The following PTPRD variants were observed in gnomAD, a reference collection of about 807,000 sequenced individuals.
The protein encoded by PTPRD is receptor-type tyrosine-protein phosphatase delta.
In PTPRD, 34 loss-of-function variants were observed where a neutral mutation model predicts 214.5. The observed-to-expected ratio is 0.16, with a 90% CI of 0.12 to 0.21. The LOEUF is 0.21. Ranked by LOEUF, PTPRD falls within the 10% of genes least tolerant of loss-of-function variation. The pLI, the probability that PTPRD is intolerant of heterozygous loss-of-function variation, is 1.00. For missense variants in PTPRD, 2,545 were observed against 2,398.7 expected (o/e 1.06, Z -1.27); for synonymous variants, 1,128 against 845.7 (o/e 1.33, Z -5.79).
chr9:9,275,065 A>G (rs1479300744), intron 9 of PTPRD, among the ~76,000 whole-genome samples: 1 of 72,584 alleles, frequency 1.4e-5, no homozygotes, highest in Non-Finnish European at 2.6e-5. Flanking sequence ...GTATATATAT[A>G]TTATATATAT....
At chr9:10,478,997 G>T (rs1053762995) in intron 2 of PTPRD, among the ~76,000 whole-genome samples, 1 of 151,874 alleles carries the variant, frequency 6.6e-6, no homozygotes, top group Non-Finnish European at 1.5e-5. Context: ...TTTTTTAAAA[G>T]CCCTTCAAAA....
intron 31 of PTPRD, among the ~76,000 whole-genome samples, chr9:8,468,983 T>C (rs1005644584): frequency 6.6e-6 from 1 of 151,954 alleles, no homozygotes; most frequent in African/African-American, 2.4e-5. Context: ...TTCCAGTCAA[T>C]GCATATCTTA....
At chr9:8,454,802 T>A (rs190374578) in intron 33 of PTPRD, among the ~76,000 whole-genome samples, 1,411 of 134,034 alleles carry the variant, frequency 0.011, 23 homozygotes, top group African/African-American at 0.039. Flanking sequence ...GTTACATCAC[T>A]GAATACATAG....
intron 6 of PTPRD, among the ~76,000 whole-genome samples, chr9:9,737,199 G>C (rs1463600916): frequency 6.6e-6 from 1 of 151,956 alleles, no homozygotes; most frequent in African/African-American, 2.4e-5. Flanking sequence ...CAGTACCCAT[G>C]GGTGCTTGGC....
chr9:9,071,260 G>C (rs1024803158), intron 10 of PTPRD, among the ~76,000 whole-genome samples: 6 of 152,052 alleles, frequency 3.9e-5, no homozygotes, highest in African/African-American at 1.4e-4. Flanking sequence ...CTCTCCCCTT[G>C]AGTTTGGACA....
At chr9:8,499,905 T>G in intron 24 of PTPRD, 65 bp from the exon 25 acceptor site, 3 of 1,387,402 alleles carry the variant, frequency 2.2e-6, no homozygotes, top group Non-Finnish European at 2.9e-6. Flanking sequence ...GAGCATTTTC[T>G]GCATTTTCTT....
intron 14 of PTPRD, among the ~76,000 whole-genome samples, chr9:8,530,700 T>C (rs1350181031): frequency 2.0e-5 from 3 of 152,100 alleles, no homozygotes; most frequent in African/African-American, 7.2e-5. Flanking sequence ...TATCCTACTA[T>C]GCAGAACTTC....
At chr9:9,288,309 T>G (rs552030439) in intron 9 of PTPRD, among the ~76,000 whole-genome samples, 1 of 152,028 alleles carries the variant, frequency 6.6e-6, no homozygotes, top group East Asian at 2.0e-4. Flanking sequence ...ATGCTATGTA[T>G]GTAAAATATA....
chr9:10,064,446 G>C (rs192685467), intron 3 of PTPRD, among the ~76,000 whole-genome samples: 1 of 151,878 alleles, frequency 6.6e-6, no homozygotes, highest in Non-Finnish European at 1.5e-5. Flanking sequence ...GTATCTGGAG[G>C]CAGGAAAATA....
At chr9:9,688,309 A>C (rs2097201128) in intron 7 of PTPRD, among the ~76,000 whole-genome samples, 1 of 151,934 alleles carries the variant, frequency 6.6e-6, no homozygotes, top group African/African-American at 2.4e-5. Flanking sequence ...CAATTTAAGA[A>C]ACCATACAAA....
intron 11 of PTPRD, among the ~76,000 whole-genome samples, chr9:8,844,392 TG>T (rs1369535480): frequency 9.8e-5 from 15 of 152,338 alleles, no homozygotes; most frequent in Admixed American, 3.3e-4. Context: ...TTTAAAAAAT[TG>T]TTAATCACAT....
chr9:8,930,763 T>G (rs1195511165), intron 11 of PTPRD, among the ~76,000 whole-genome samples: 1 of 152,238 alleles, frequency 6.6e-6, no homozygotes, highest in Non-Finnish European at 1.5e-5. Context: ...TGTCTTCTTT[T>G]GAGAAGTGTC....
chr9:8,756,238 G>A (rs1254860172), intron 11 of PTPRD, among the ~76,000 whole-genome samples: 1 of 152,038 alleles, frequency 6.6e-6, no homozygotes, highest in African/African-American at 2.4e-5. Flanking sequence ...AGTTTCCCTG[G>A]TTGCTCTGTT....
chr9:9,720,020 C>T (rs1357233550), intron 7 of PTPRD, among the ~76,000 whole-genome samples: 1 of 152,114 alleles, frequency 6.6e-6, no homozygotes, highest in African/African-American at 2.4e-5. Context: ...CCTTGGCAGG[C>T]ATGGGATCTG....
At chr9:8,665,186 T>G (rs1346982714) in intron 12 of PTPRD, among the ~76,000 whole-genome samples, 6 of 152,230 alleles carry the variant, frequency 3.9e-5, no homozygotes, top group Admixed American at 6.5e-5. Context: ...TTTGTTTATT[T>G]GTTTCAAATG....
rs139201289 is a variant in PTPRD, at chr9:10,311,594, C to T, written c.-545+29369G>A. ...TATTTAGCAACTATTTATTGTGTAC[C>T]TACTATGTGTTGGGCACCAAGCTGT... On this transcript the variant is annotated intron_variant, in intron 3 of 45. Transcript: ENST00000381196. 5.6e-3 allele frequency among the ~76,000 whole-genome samples: 854 copies of T among 152,052 alleles called. 9 individuals carry two copies. The highest frequency in any genetic ancestry group is 0.019 in the African/African-American group (796 of 41,492).
At chr9:9,483,254 A>G (rs1189411226) in intron 8 of PTPRD, among the ~76,000 whole-genome samples, 1 of 152,168 alleles carries the variant, frequency 6.6e-6, no homozygotes, top group Non-Finnish European at 1.5e-5. Flanking sequence ...ATTTTTAATT[A>G]TCTCACCACA....
At chr9:10,421,286 C>G (rs1432359926) in intron 2 of PTPRD, among the ~76,000 whole-genome samples, 1 of 151,786 alleles carries the variant, frequency 6.6e-6, no homozygotes, top group East Asian at 1.9e-4. Flanking sequence ...ATATTTTCTT[C>G]TCTTTTTCTT....
chr9:9,038,551 C>A (rs377332805), intron 10 of PTPRD, among the ~76,000 whole-genome samples: 2 of 109,648 alleles, frequency 1.8e-5, no homozygotes, highest in African/African-American at 6.4e-5. Context: ...TTTGTGATAA[C>A]GGTTTTTTTT....
Sources: gnomAD v4.1 joint callset for allele counts (sites outside exome capture counted in the v4.1 genomes callset) on GRCh38, gnomAD v4.1.1 for gene constraint, MANE v1.5 for transcripts, NCBI Gene and HGNC (gene_info 2026-07-23, HGNC 2026-07-21) for gene names.